PKIB: variants seen among roughly 807,000 people sequenced by gnomAD.
PKIB encodes the protein cAMP-dependent protein kinase inhibitor beta.
A neutral mutation model predicts 4.5 loss-of-function variants in PKIB; 2 were observed. The ratio of observed to expected loss-of-function variants is 0.44; its 90% CI spans 0.18 to 1.39. PKIB has a LOEUF of 1.39. Among genes scored for constraint, PKIB ranks in the 40% most tolerant of loss-of-function variants. The pLI, the probability that PKIB is intolerant of heterozygous loss-of-function variation, is 0.27. For synonymous variants in PKIB, 38 were observed against 36.0 expected (o/e 1.06, Z -0.20); for missense variants, 94 against 92.6 (o/e 1.02, Z -0.06).
intron 2 of PKIB, among the ~76,000 whole-genome samples, chr6:122,636,631 G>C (rs999389408): frequency 6.6e-6 from 1 of 152,018 alleles, no homozygotes; most frequent in Non-Finnish European, 1.5e-5. Context: ...GTACACGTTA[G>C]CTTCCTCAAA....
chr6:122,547,295 G>C (rs1019918864), intron 2 of PKIB, among the ~76,000 whole-genome samples: 2 of 151,948 alleles, frequency 1.3e-5, no homozygotes, highest in Non-Finnish European at 2.9e-5. Context: ...GGGTGGAGGC[G>C]TAGGCAGATA....
intron 2 of PKIB, among the ~76,000 whole-genome samples, chr6:122,650,844 A>G (rs1044354656): frequency 3.9e-5 from 6 of 152,086 alleles, no homozygotes; most frequent in Non-Finnish European, 7.4e-5. Flanking sequence ...CTCCCTCTCT[A>G]GCCTTTGGAT....
chr6:122,514,306 T>A (rs150861997), intron 2 of PKIB, among the ~76,000 whole-genome samples: 1 of 152,158 alleles, frequency 6.6e-6, no homozygotes, highest in Non-Finnish European at 1.5e-5. Context: ...AAAAAACCCA[T>A]GCCACAAATT....
At chr6:122,599,756 C>A (rs557189942) in intron 3 of PKIB, among the ~76,000 whole-genome samples, 1 of 152,266 alleles carries the variant, frequency 6.6e-6, no homozygotes, top group East Asian at 1.9e-4. Context: ...TTTTGTATAA[C>A]TCTCTAAACA....
At chr6:122,555,951 G>A (rs1198738834) in intron 2 of PKIB, among the ~76,000 whole-genome samples, 3 of 152,166 alleles carry the variant, frequency 2.0e-5, no homozygotes, top group African/African-American at 7.2e-5. Flanking sequence ...TGGTCTAGTG[G>A]TTTGGGGCAT....
intron 3 of PKIB, among the ~76,000 whole-genome samples, chr6:122,716,716 C>T (rs1408836946): frequency 6.6e-6 from 1 of 152,124 alleles, no homozygotes; most frequent in African/African-American, 2.4e-5. Context: ...TTACTCCCTC[C>T]AACTACCATG....
intron 2 of PKIB, among the ~76,000 whole-genome samples, chr6:122,541,366 AG>A (rs1777592940): frequency 6.6e-6 from 1 of 151,752 alleles, no homozygotes; most frequent in African/African-American, 2.4e-5. Context: ...GAGCTCTTTT[AG>A]GGCAGGCCTG....
intron 2 of PKIB, among the ~76,000 whole-genome samples, chr6:122,500,492 A>C (rs1394504038): frequency 1.3e-5 from 2 of 152,220 alleles, no homozygotes; most frequent in Non-Finnish European, 2.9e-5. Flanking sequence ...AATAATGCTA[A>C]ATATAAACCT....
At chr6:122,682,391 T>C (rs1777930831) in intron 3 of PKIB, among the ~76,000 whole-genome samples, 4 of 152,294 alleles carry the variant, frequency 2.6e-5, no homozygotes, top group Admixed American at 2.6e-4. Context: ...GTCTAAATAC[T>C]GTCACATTAA....
At chr6:122,531,092 T>C (rs1374464431) in intron 2 of PKIB, 1 of 152,190 alleles carries the variant, frequency 6.6e-6, no homozygotes, top group Non-Finnish European at 1.5e-5. Context: ...TGGGTGACTT[T>C]AAAATATCAT....
At chr6:122,596,720 C>T (rs1774189019) in intron 3 of PKIB, among the ~76,000 whole-genome samples, 1 of 148,312 alleles carries the variant, frequency 6.7e-6, no homozygotes, top group Non-Finnish European at 1.5e-5. Flanking sequence ...CTGTGATTCA[C>T]CTATGAGAGC....
chr6:122,475,685 C>T (rs567661275), intron 1 of PKIB, among the ~76,000 whole-genome samples: 83 of 120,134 alleles, frequency 6.9e-4, no homozygotes, highest in African/African-American at 2.1e-3. Context: ...ACTCAAGAGG[C>T]CGAGGCAGGA....
At chr6:122,578,053 T>C (rs1323668229) in intron 2 of PKIB, among the ~76,000 whole-genome samples, 1 of 152,002 alleles carries the variant, frequency 6.6e-6, no homozygotes, top group African/African-American at 2.4e-5. Flanking sequence ...GGGCAGGAAT[T>C]ATTACAGGAT....
At chr6:122,557,874 T>C in intron 2 of PKIB, among the ~76,000 whole-genome samples, 1 of 152,292 alleles carries the variant, frequency 6.6e-6, no homozygotes, top group East Asian at 1.9e-4. Flanking sequence ...AGCTCCTCCC[T>C]CAATTGGGTA....
chr6:122,533,531 G>T (rs1777322697), intron 2 of PKIB, among the ~76,000 whole-genome samples: 1 of 152,138 alleles, frequency 6.6e-6, no homozygotes, highest in Non-Finnish European at 1.5e-5. Flanking sequence ...GCAAAGAAAA[G>T]AAATGATTTT....
intron 1 of PKIB, among the ~76,000 whole-genome samples, chr6:122,618,717 G>T (rs35808189): frequency 0.22 from 33,837 of 151,704 alleles, 4,133 homozygotes; most frequent in Non-Finnish European, 0.28. Flanking sequence ...TTCTGGTGAC[G>T]CTACAGAAAG....
At chr6:122,583,463 A>C (rs958786342) in intron 2 of PKIB, among the ~76,000 whole-genome samples, 1 of 152,120 alleles carries the variant, frequency 6.6e-6, no homozygotes. Context: ...TTGCAAAATA[A>C]AATTATTCAC....
Position 122,668,423 on chromosome 6 carries a change from G to C in PKIB, c.-75-6655G>C, listed in dbSNP as rs116688490. 3.7e-3 allele frequency among the ~76,000 whole-genome samples: 557 copies of C among 152,272 alleles called. 4 individuals are homozygous for C. The highest frequency in any genetic ancestry group is 0.013 in the African/African-American group (533 of 41,550). ...TCAATTTCTCATACTAAGTGAATTAGTATGATCGACTTTTATGAAAATGTT... is the reference window on the plus strand; with the variant it reads ...TCAATTTCTCATACTAAGTGAATTACTATGATCGACTTTTATGAAAATGTT... On this transcript the variant is annotated intron_variant, in intron 2 of 4. Coordinates refer to ENST00000368452, the MANE Select transcript of PKIB (RefSeq NM_181795.3).
At chr6:122,549,274 A>G (rs57771292) in intron 2 of PKIB, among the ~76,000 whole-genome samples, 129 of 152,324 alleles carry the variant, frequency 8.5e-4, no homozygotes, top group African/African-American at 3.0e-3. Context: ...TACTACTATT[A>G]TTATTAAGAA....
Sources: gnomAD v4.1 joint callset for allele counts (sites outside exome capture counted in the v4.1 genomes callset) on GRCh38, gnomAD v4.1.1 for gene constraint, MANE v1.5 for transcripts, NCBI Gene and HGNC (gene_info 2026-07-23, HGNC 2026-07-21) for gene names.